CA10: variants seen among roughly 807,000 people sequenced by gnomAD.
CA10 encodes carbonic anhydrase 10 (inactive), also known as carbonic anhydrase-related protein 10.
A neutral mutation model predicts 44.2 loss-of-function variants in CA10; 14 were observed. That is an observed-to-expected ratio of 0.32 (90% CI 0.21 to 0.50). CA10 has a LOEUF of 0.50. CA10 is among the 20% of genes least tolerant of loss of function. CA10 has a pLI of 0.99. For missense variants in CA10, 350 were observed against 409.7 expected (o/e 0.85, Z 1.26); for synonymous variants, 159 against 141.6 (o/e 1.12, Z -0.87).
chr17:51,928,245 AAC>A (rs1045567400), intron 3 of CA10, among the ~76,000 whole-genome samples: 1 of 152,144 alleles, frequency 6.6e-6, no homozygotes, highest in Non-Finnish European at 1.5e-5. Context: ...TTTTGCATGA[AAC>A]ACAGTTTGAA....
At chr17:52,005,459 T>G (rs543689182) in intron 2 of CA10, among the ~76,000 whole-genome samples, 11 of 152,056 alleles carry the variant, frequency 7.2e-5, no homozygotes, top group Non-Finnish European at 1.6e-4. Context: ...ATTGGCCAGA[T>G]CACACTGTGT....
At chr17:52,051,257 A>G (rs1987062074) in intron 2 of CA10, among the ~76,000 whole-genome samples, 1 of 152,096 alleles carries the variant, frequency 6.6e-6, no homozygotes, top group South Asian at 2.1e-4. Context: ...TTCATGATGA[A>G]GACAGGAAAA....
In CA10 at chr17:52,072,312, T is replaced by C. The variant is rs1056968772; in HGVS notation, c.136+7A>G. The C allele has an allele frequency of 6.3e-7, 1 of 1,577,360 alleles. No individual in the cohort carries two copies. The highest frequency in any genetic ancestry group is 2.2e-5 in the East Asian group (1 of 44,718). On this transcript the variant is annotated splice_region_variant and intron_variant, in intron 2 of 8. Transcript: ENST00000451037. ...ATAAATAAATTAAAGAATTAATGTG[T>C]ACTTACCTGGAACAAAGCTTCCCTG...
chr17:52,063,144 T>C (rs1213134859), intron 2 of CA10, among the ~76,000 whole-genome samples: 1 of 152,216 alleles, frequency 6.6e-6, no homozygotes, highest in East Asian at 1.9e-4. Context: ...GAAGACTGCT[T>C]ACCCCTTTCT....
At chr17:51,682,319 C>G (rs558694612) in intron 4 of CA10, among the ~76,000 whole-genome samples, 5 of 152,266 alleles carry the variant, frequency 3.3e-5, no homozygotes, top group African/African-American at 1.2e-4. Context: ...TGGGCCAAGG[C>G]ACAAGCTGAA....
intron 3 of CA10, among the ~76,000 whole-genome samples, chr17:51,751,477 G>A (rs1904888052): frequency 6.6e-6 from 1 of 152,178 alleles, no homozygotes; most frequent in African/African-American, 2.4e-5. Flanking sequence ...GCCCTCACGA[G>A]GTTGTGATAA....
At chr17:51,941,877 ATATG>A (rs915733636) in intron 2 of CA10, among the ~76,000 whole-genome samples, 1 of 152,164 alleles carries the variant, frequency 6.6e-6, no homozygotes, top group Non-Finnish European at 1.5e-5. Context: ...CATGGAATAC[ATATG>A]TATGTATGTA....
chr17:51,979,035 G>C (rs1029581683), intron 2 of CA10, among the ~76,000 whole-genome samples: 2 of 152,102 alleles, frequency 1.3e-5, no homozygotes, highest in Non-Finnish European at 2.9e-5. Context: ...TGCCACAAAC[G>C]TTTGGCTTTT....
chr17:52,025,485 C>T (rs1432077177), intron 2 of CA10, among the ~76,000 whole-genome samples: 3 of 152,056 alleles, frequency 2.0e-5, no homozygotes, highest in Non-Finnish European at 2.9e-5. Context: ...CATTGTGGCT[C>T]TTGCTGGAAA....
At chr17:52,137,698 T>C (rs1484347251) in intron 1 of CA10, among the ~76,000 whole-genome samples, 2 of 152,202 alleles carry the variant, frequency 1.3e-5, no homozygotes, top group African/African-American at 4.8e-5. Context: ...CCAGTAAATA[T>C]TTATTTAATA....
chr17:51,752,407 C>T (rs1904921407), intron 3 of CA10, among the ~76,000 whole-genome samples: 1 of 151,904 alleles, frequency 6.6e-6, no homozygotes, highest in African/African-American at 2.4e-5. Context: ...TTGCCTCTGG[C>T]TGCCTCACAG....
intron 4 of CA10, among the ~76,000 whole-genome samples, chr17:51,667,696 G>A (rs1210489396): frequency 6.6e-6 from 1 of 152,176 alleles, no homozygotes; most frequent in African/African-American, 2.4e-5. Context: ...TTTACAGAGG[G>A]ATCTTTGGTC....
chr17:51,735,140 ATTC>A (rs1325517055), intron 4 of CA10, among the ~76,000 whole-genome samples: 2 of 152,178 alleles, frequency 1.3e-5, no homozygotes, highest in Non-Finnish European at 2.9e-5. Context: ...GCTACTCTGG[ATTC>A]TTGTTAGATA....
chr17:51,969,239 T>C (rs898574824), intron 2 of CA10, among the ~76,000 whole-genome samples: 3 of 152,004 alleles, frequency 2.0e-5, no homozygotes, highest in African/African-American at 7.2e-5. Context: ...TACAAATTAT[T>C]TACCATCTTC....
At chr17:51,924,778 C>T (rs916405008) in intron 3 of CA10, among the ~76,000 whole-genome samples, 4 of 152,152 alleles carry the variant, frequency 2.6e-5, no homozygotes, top group Non-Finnish European at 5.9e-5. Flanking sequence ...CTCTCCTCAC[C>T]CCTTCCAGAC....
chr17:51,942,951 T>A (rs1193485559), intron 2 of CA10, among the ~76,000 whole-genome samples: 1 of 152,144 alleles, frequency 6.6e-6, no homozygotes, highest in East Asian at 1.9e-4. Context: ...CATGGATGGA[T>A]GCATGAGAGA....
At chr17:52,072,423 G>A (rs755607926) in intron 1 of CA10, 30 bp from the exon 2 acceptor site, 1 of 1,514,448 alleles carries the variant, frequency 6.6e-7, no homozygotes, top group South Asian at 1.1e-5. Context: ...GAGAGATTAA[G>A]ATGATAGCAG....
chr17:51,802,819 CTCT>C (rs1343782155), intron 3 of CA10, among the ~76,000 whole-genome samples: 2 of 152,178 alleles, frequency 1.3e-5, no homozygotes, highest in Non-Finnish European at 2.9e-5. Context: ...CAGCCAACAG[CTCT>C]GCAACCTGTA....
At chr17:51,815,900 C>G (rs1471294678) in intron 3 of CA10, among the ~76,000 whole-genome samples, 1 of 152,080 alleles carries the variant, frequency 6.6e-6, no homozygotes, top group African/African-American at 2.4e-5. Context: ...TCCACCTCCT[C>G]AAACATTTAT....
Sources: allele counts gnomAD v4.1 joint callset (sites outside exome capture counted in the v4.1 genomes callset), GRCh38; gene constraint gnomAD v4.1.1; transcripts MANE v1.5; gene names NCBI Gene and HGNC (gene_info 2026-07-23, HGNC 2026-07-21).